Variants in PACSIN1 observed in about 807,000 individuals in gnomAD.
The protein encoded by PACSIN1 is protein kinase C and casein kinase substrate in neurons 1.
PACSIN1 carries 15 observed loss-of-function variants against 59.5 expected under a neutral mutation model. The observed-to-expected ratio is 0.25, with a 90% CI of 0.17 to 0.39. The LOEUF (loss-of-function observed/expected upper bound fraction) is 0.39, where lower values mean the gene tolerates loss of function less well. Among genes scored for constraint, PACSIN1 ranks in the 10% least tolerant of loss-of-function variants. The probability of loss-of-function intolerance (pLI) is 1.00; values close to 1 mark genes in which losing one functional copy is unlikely to be tolerated. For synonymous variants in PACSIN1, 210 were observed against 220.6 expected (o/e 0.95, Z 0.42); for missense variants, 420 against 580.2 (o/e 0.72, Z 2.84).
chr6:34,485,980 G>A (rs963796353), intron 1 of PACSIN1, among the ~76,000 whole-genome samples: 5 of 152,158 alleles, frequency 3.3e-5, no homozygotes, highest in Non-Finnish European at 5.9e-5. Context: ...ACATGGGCCC[G>A]CAACGTGGGC....
intron 1 of PACSIN1, among the ~76,000 whole-genome samples, chr6:34,480,719 T>C (rs563630794): frequency 6.6e-6 from 1 of 152,240 alleles, no homozygotes; most frequent in South Asian, 2.1e-4. Flanking sequence ...GGTAAACATA[T>C]GCATGCAGTT....
chr6:34,475,713 G>A (rs1419889563), intron 1 of PACSIN1, among the ~76,000 whole-genome samples: 1 of 152,210 alleles, frequency 6.6e-6, no homozygotes, highest in Non-Finnish European at 1.5e-5. Context: ...CACAGCTGCT[G>A]AGAGATGGGT....
At chr6:34,498,218 C>A (rs567950572) in intron 1 of PACSIN1, among the ~76,000 whole-genome samples, 2 of 152,064 alleles carry the variant, frequency 1.3e-5, no homozygotes, top group Non-Finnish European at 2.9e-5. Flanking sequence ...CGCGCCGCCA[C>A]GCCTGGCTAA....
At chr6:34,520,863 C>CCTCCTGG (rs1340842069) in intron 1 of PACSIN1, among the ~76,000 whole-genome samples, 5 of 152,076 alleles carry the variant, frequency 3.3e-5, no homozygotes, top group Admixed American at 6.6e-5. Flanking sequence ...CTCGGGACCC[C>CCTCCTGG]CTCCTGGCTC....
intron 1 of PACSIN1, among the ~76,000 whole-genome samples, chr6:34,506,685 G>C (rs937324117): frequency 2.0e-5 from 3 of 152,190 alleles, no homozygotes; most frequent in Non-Finnish European, 2.9e-5. Context: ...CCTGGTGGGG[G>C]TCAGGGGTGC....
rs555804111 is a variant in PACSIN1, at chr6:34,490,913, T to A, written c.-64+24643T>A. 3.3e-4 allele frequency among the ~76,000 whole-genome samples: 51 copies of A among 152,304 alleles called. 1 individual carries two copies. The East Asian group carries it at 9.5e-3, about 28-fold the overall frequency. On this transcript the variant is annotated intron_variant, in intron 1 of 9. Transcript: ENST00000244458. ...CTTGCCAGGGTGTTAATTCTCGTAT[T>A]ATGGGATTGACTCTATTTTATCCCA...
Position 34,527,192 on chromosome 6 carries a change from G to T in PACSIN1, c.64-140G>T, listed in dbSNP as rs1266436067. The T allele has an allele frequency of 8.3e-6, 7 of 844,896 alleles. No homozygotes were observed. The African/African-American group carries it at 9.1e-5, about 11-fold the overall frequency. 52.3% of individuals were successfully genotyped at this position (844,896 alleles called of 1,614,324 possible). On this transcript the variant is annotated intron_variant, in intron 2 of 9. Coordinates refer to ENST00000244458, the MANE Select transcript of PACSIN1 (RefSeq NM_020804.5). ...TTGCCGCTGCGCCGCGGGGCGGGGG[G>T]CGGGGGCGGGGGCGGGGACGGCGAG...
chr6:34,489,784 T>C (rs745881058), intron 1 of PACSIN1, among the ~76,000 whole-genome samples: 1 of 152,194 alleles, frequency 6.6e-6, no homozygotes, highest in Non-Finnish European at 1.5e-5. Context: ...CCAATGTCCA[T>C]GTGGACCCTA....
At chr6:34,491,618 T>TC (rs1357104857) in intron 1 of PACSIN1, among the ~76,000 whole-genome samples, 39 of 151,628 alleles carry the variant, frequency 2.6e-4, no homozygotes, top group Non-Finnish European at 5.6e-4. Context: ...TTCTTTTCTT[T>TC]TTTTTTTTTT....
chr6:34,476,579 G>A (rs1216805217), intron 1 of PACSIN1, among the ~76,000 whole-genome samples: 4 of 152,118 alleles, frequency 2.6e-5, no homozygotes, highest in African/African-American at 4.8e-5. Context: ...GGGCACCTCT[G>A]ATAGGAGGCT....
At chr6:34,467,184 T>C (rs1483698714) in intron 1 of PACSIN1, among the ~76,000 whole-genome samples, 1 of 152,206 alleles carries the variant, frequency 6.6e-6, no homozygotes, top group African/African-American at 2.4e-5. Context: ...GGCCTTTCTA[T>C]CACAAGTCCA....
chr6:34,466,348 TG>T (rs903573987), intron 1 of PACSIN1, 78 bp downstream of exon 1: 2 of 152,230 alleles, frequency 1.3e-5, no homozygotes, highest in African/African-American at 4.8e-5. Flanking sequence ...GTGTTGGAAG[TG>T]GGCGCCGGGA....
intron 1 of PACSIN1, among the ~76,000 whole-genome samples, chr6:34,475,712 T>G (rs1054273838): frequency 6.6e-6 from 1 of 152,216 alleles, no homozygotes; most frequent in Non-Finnish European, 1.5e-5. Context: ...CCACAGCTGC[T>G]GAGAGATGGG....
At chr6:34,522,500 G>A (rs1489672653) in intron 1 of PACSIN1, among the ~76,000 whole-genome samples, 2 of 152,126 alleles carry the variant, frequency 1.3e-5, no homozygotes, top group Non-Finnish European at 2.9e-5. Flanking sequence ...TCCCTAGCTG[G>A]GTGTATTAGG....
At chr6:34,510,035 T>C (rs939207008) in intron 1 of PACSIN1, among the ~76,000 whole-genome samples, 1 of 152,264 alleles carries the variant, frequency 6.6e-6, no homozygotes, top group Admixed American at 6.5e-5. Context: ...TATACAATGA[T>C]ATCCTACACA....
At position 34,524,232 on chromosome 6, in the gene PACSIN1, C is replaced by CAGGG. The variant is rs1767446264; in HGVS notation, c.-63-2009_-63-2008insGGAG. Among the ~76,000 whole-genome samples the CAGGG allele has an allele frequency of 6.6e-5, 10 of 152,306 alleles. No homozygotes were observed. The South Asian group carries it at 1.0e-3, about 16-fold the overall frequency. On this transcript the variant is annotated intron_variant, in intron 1 of 9. Transcript: ENST00000244458. ...TATTTTGGCCTGACATACCAGGTCT[C>CAGGG]AGCTGTACTGTCCCTTCCCTCCATG...
chr6:34,525,587 T>C lies in PACSIN1; in HGVS notation c.-63-656T>C, dbSNP rs547380950. On this transcript the variant is annotated intron_variant, in intron 1 of 9. Transcript: ENST00000244458. This position sits in a 1 kb window ranked among gnomAD's most constrained non-coding sequence, Gnocchi z 4.9. ...GCTGCCTCTTTGAAAACCAGGCCCT[T>C]GGCCCTCTGAGTCCTGGCTCCTGAC... Among the ~76,000 whole-genome samples the C allele has an allele frequency of 6.6e-6, 1 of 152,346 alleles. No homozygotes were observed. The highest frequency in any genetic ancestry group is 2.1e-4 in the South Asian group (1 of 4,830).
chr6:34,492,195 CTTTTTTTTTTTTT>C (rs55745060), intron 1 of PACSIN1, among the ~76,000 whole-genome samples: 2 of 80,184 alleles, frequency 2.5e-5, no homozygotes, highest in African/African-American at 4.7e-5. Context: ...CTTTTTTGAC[CTTTTTTTTTTTTT>C]TTTTTTTTTT....
chr6:34,502,246 A>G (rs1767036246), intron 1 of PACSIN1, among the ~76,000 whole-genome samples: 1 of 152,088 alleles, frequency 6.6e-6, no homozygotes, highest in African/African-American at 2.4e-5. Flanking sequence ...GAGGTTTGAC[A>G]GAGAAATGCT....
Sources: gnomAD v4.1 joint callset for allele counts (sites outside exome capture counted in the v4.1 genomes callset) on GRCh38, gnomAD v4.1.1 for gene constraint, Gnocchi (gnomAD v3.1) non-coding constraint, MANE v1.5 for transcripts, NCBI Gene and HGNC (gene_info 2026-07-23, HGNC 2026-07-21) for gene names.